SYNGR4: variants seen among roughly 807,000 people sequenced by gnomAD.
The protein encoded by SYNGR4 is synaptogyrin 4, also known as synaptogyrin-4.
A neutral mutation model predicts 15.5 loss-of-function variants in SYNGR4; 15 were observed. That is an observed-to-expected ratio of 0.97 (90% confidence interval 0.65 to 1.49). SYNGR4 has a LOEUF of 1.49. SYNGR4 is among the 40% of genes most tolerant of loss of function. SYNGR4 has a pLI of 0.00. For synonymous variants in SYNGR4, 121 were observed against 127.4 expected, an observed-to-expected ratio of 0.95 and a Z score of 0.34; for missense variants, 292 against 299.3, an observed-to-expected ratio of 0.98 and a Z score of 0.18.
At chr19:48,370,224 G>A (rs986170486) in intron 2 of SYNGR4, among the ~76,000 whole-genome samples, 32 of 152,318 alleles carry the variant, frequency 2.1e-4, no homozygotes, top group Admixed American at 6.5e-4. Context: ...GGTGGCTCAC[G>A]CCTGTAATCC....
intron 1 of SYNGR4, among the ~76,000 whole-genome samples, 189 bp downstream of exon 1, chr19:48,364,726 G>A (rs1314583351): frequency 6.6e-6 from 1 of 151,744 alleles, no homozygotes; most frequent in Non-Finnish European, 1.5e-5. Flanking sequence ...GGTTCTCCAC[G>A]AAGGGTGCTG....
intron 2 of SYNGR4, among the ~76,000 whole-genome samples, chr19:48,371,534 C>G (rs1600944933): frequency 1.3e-5 from 2 of 152,150 alleles, no homozygotes; most frequent in East Asian, 3.9e-4. Flanking sequence ...ACTCAGAAGC[C>G]AGGCTACTTC....
chr19:48,366,063 A>C (rs1235224282), intron 2 of SYNGR4, 128 bp downstream of exon 2: 2 of 923,516 alleles, frequency 2.2e-6, no homozygotes. Flanking sequence ...CAACGGAGCA[A>C]ATGCTGACAC....
chr19:48,369,708 A>C (rs1268918023), intron 2 of SYNGR4, among the ~76,000 whole-genome samples: 3 of 152,188 alleles, frequency 2.0e-5, no homozygotes, highest in Non-Finnish European at 2.9e-5. Flanking sequence ...GAAATGAATT[A>C]ATAATCTCCA....
At chr19:48,367,121 C>T (rs1045311913) in intron 2 of SYNGR4, among the ~76,000 whole-genome samples, 5 of 148,174 alleles carry the variant, frequency 3.4e-5, no homozygotes, top group African/African-American at 1.3e-4. Flanking sequence ...CAGAGTGAGA[C>T]TCTGTCTCAA....
chr19:48,373,849 C>T (rs1447114423), intron 3 of SYNGR4, 95 bp downstream of exon 3: 5 of 1,272,812 alleles, frequency 3.9e-6, no homozygotes, highest in Non-Finnish European at 4.5e-6. Context: ...CCTTCACCAC[C>T]TAGCCGGCCT....
rs763793819 is a variant in SYNGR4, at chr19:48,376,316, T to C, written c.703T>C (p.Ter235GlnextTer18). 9.6e-5 allele frequency: 155 copies of C among 1,612,584 alleles called. No homozygotes were observed. Among genetic ancestry groups the C allele is most frequent in the South Asian group, 1.2e-4 (11 of 90,934 alleles). Reference protein sequence around the residue: ...SPRLAMMPDN* With the variant: ...SPRLAMMPDNQ ...CCGGCTTGCTATGATGCCTGACAACTAAATATCCTTATCCAAATCAATAAA... is the reference window on the plus strand; with the variant it reads ...CCGGCTTGCTATGATGCCTGACAACCAAATATCCTTATCCAAATCAATAAA... The change falls in exon 5 of 5, where the codon TAA becomes CAA. Residue 235 changes from the stop codon to glutamine (Q), a stop_lost. Coordinates refer to ENST00000344846, the MANE Select transcript of SYNGR4 (RefSeq NM_012451.4).
intron 2 of SYNGR4, among the ~76,000 whole-genome samples, chr19:48,366,389 CAA>C (rs574008245): frequency 1.5e-4 from 17 of 109,744 alleles, no homozygotes; most frequent in Admixed American, 2.9e-4. Flanking sequence ...GACTCCATCT[CAA>C]AAAAAAAAAA....
intron 2 of SYNGR4, among the ~76,000 whole-genome samples, chr19:48,370,621 GCGATCA>G (rs1347051716): frequency 1.3e-5 from 2 of 152,086 alleles, no homozygotes; most frequent in African/African-American, 4.8e-5. Context: ...GTGCAGTGGT[GCGATCA>G]CAGCTCACTG....
intron 3 of SYNGR4, among the ~76,000 whole-genome samples, chr19:48,374,070 ATC>A (rs1221143541): frequency 1.4e-5 from 2 of 143,916 alleles, no homozygotes; most frequent in Non-Finnish European, 3.0e-5. Flanking sequence ...TTTACAGAAA[ATC>A]TCTCTTTTTT....
intron 1 of SYNGR4, among the ~76,000 whole-genome samples, chr19:48,365,142 C>A (rs1201097890): frequency 6.6e-6 from 1 of 150,896 alleles, no homozygotes; most frequent in Admixed American, 6.6e-5. Context: ...TCTCATCCTG[C>A]ACCTCCACCT....
rs1373745109 is a variant in SYNGR4 at position 48,373,629 on chromosome 19, C to T, written c.206C>T (p.Ala69Val). 4 of 1,613,810 alleles carry T rather than the reference C, an allele frequency of 2.5e-6. No individual in the cohort carries two copies. Among genetic ancestry groups the T allele is most frequent in the East Asian group, 4.5e-5 (2 of 44,890 alleles). Residue 69 changes from alanine to valine, a missense_variant, in exon 3 of 5, where the codon GCC (alanine) becomes GTC (valine). Ala to Val is a moderately conservative substitution (Grantham distance 64, BLOSUM62 0). Transcript: ENST00000344846. ...AGCAACAGCGTGGCCTGCAGCTTTG[C>T]CGTGGGAGCCGGCTTCCTGGCCTTC... ...LNSNSVACSF[A>V]VGAGFLAFLS...
Position 48,365,852 on chromosome 19 carries a change from C to A in SYNGR4, c.10C>A (p.Pro4Thr). MHI[P>T]KSLQELANSE... Reference sequence around the variant, plus strand: ...AAGGAAAACAGCTGCCATGCACATCCCCAAAAGCCTCCAGGAGCTGGCCAA... The same window carrying A: ...AAGGAAAACAGCTGCCATGCACATCACCAAAAGCCTCCAGGAGCTGGCCAA... The change falls in exon 2 of 5, where the codon CCC (proline) becomes ACC (threonine). Residue 4 changes from proline (P) to threonine (T), a missense_variant. Transcript: ENST00000344846. 6.2e-7 allele frequency: 1 copy of A among 1,613,804 alleles called. No homozygotes were observed. Among genetic ancestry groups the A allele is most frequent in the Non-Finnish European group, 8.5e-7 (1 of 1,179,986 alleles).
chr19:48,369,247 C>T (rs1261133674), intron 2 of SYNGR4, among the ~76,000 whole-genome samples: 1 of 152,128 alleles, frequency 6.6e-6, no homozygotes, highest in Admixed American at 6.6e-5. Flanking sequence ...TCTTTGCTCC[C>T]TCCCTAGGGA....
Position 48,376,328 on chromosome 19 carries a change from T to C in SYNGR4, c.*10T>C, listed in dbSNP as rs1205808880. On this transcript the variant is annotated 3_prime_UTR_variant, in exon 5 of 5. Coordinates refer to ENST00000344846, the MANE Select transcript of SYNGR4 (RefSeq NM_012451.4). ...GATGCCTGACAACTAAATATCCTTA[T>C]CCAAATCAATAAAGAGAGAATCCTC... 2 of 1,612,086 alleles carry C rather than the reference T, an allele frequency of 1.2e-6. No individual in the cohort carries two copies. The highest frequency in any genetic ancestry group is 1.3e-5 in the African/African-American group (1 of 74,850).
In SYNGR4 at chr19:48,365,846, C is replaced by G; in HGVS notation, c.4C>G (p.His2Asp). Residue 2 changes from histidine to aspartate, a missense_variant, in exon 2 of 5, where the codon CAC becomes GAC. Coordinates refer to ENST00000344846, the MANE Select transcript of SYNGR4 (RefSeq NM_012451.4). M[H>D]IPKSLQELAN... is the part of the protein sequence containing the mutation. The stretch of plus-strand genomic sequence containing the variant: ...GCCCCAAAGGAAAACAGCTGCCATG[C>G]ACATCCCCAAAAGCCTCCAGGAGCT... 6.2e-7 allele frequency: 1 copy of G among 1,613,744 alleles called. No homozygotes were observed. The highest frequency in any genetic ancestry group is 8.5e-7 in the Non-Finnish European group (1 of 1,179,974).
intron 2 of SYNGR4, among the ~76,000 whole-genome samples, chr19:48,371,397 G>A (rs1007286902): frequency 1.4e-5 from 2 of 147,650 alleles, no homozygotes; most frequent in African/African-American, 2.5e-5. Context: ...GACCTGCCCT[G>A]CTGCATTGTG....
intron 2 of SYNGR4, among the ~76,000 whole-genome samples, chr19:48,367,213 G>A (rs1310641371): frequency 1.3e-5 from 2 of 151,620 alleles, no homozygotes; most frequent in Admixed American, 6.6e-5. Context: ...CGGGCGGATC[G>A]TGAGGTGAGG....
intron 4 of SYNGR4, 82 bp from the exon 5 acceptor site, chr19:48,376,003 T>TC: frequency 6.2e-7 from 1 of 1,602,318 alleles, no homozygotes; most frequent in Middle Eastern, 1.7e-4. Flanking sequence ...TTTGTCTCCT[T>TC]CCCAGGCCAG....
Sources: gnomAD v4.1 joint callset for allele counts (sites outside exome capture counted in the v4.1 genomes callset) on GRCh38, gnomAD v4.1.1 for gene constraint, MANE v1.5 for transcripts, NCBI Gene and HGNC (gene_info 2026-07-23, HGNC 2026-07-21) for gene names.